FAM120B: variants seen among roughly 807,000 people sequenced by gnomAD.
FAM120B encodes the protein constitutive coactivator of peroxisome proliferator-activated receptor gamma.
FAM120B carries 83 observed loss-of-function variants against 96.3 expected under a neutral mutation model. That is an observed-to-expected ratio of 0.86 (90% CI 0.72 to 1.03). The LOEUF (loss-of-function observed/expected upper bound fraction) is 1.03, where lower values mean the gene tolerates loss of function less well. FAM120B is among the 50% of genes least tolerant of loss of function. The pLI is 0.00. For synonymous variants in FAM120B, 407 were observed against 402.7 expected, an observed-to-expected ratio of 1.01 and a Z score of -0.13; for missense variants, 1,027 against 1,121.2, an observed-to-expected ratio of 0.92 and a Z score of 1.20.
intron 6 of FAM120B, among the ~76,000 whole-genome samples, chr6:170,360,985 T>C (rs1326151153): frequency 6.6e-6 from 1 of 151,902 alleles, no homozygotes. Flanking sequence ...GCAGTCGTAT[T>C]GCATTGGGAG....
chr6:170,341,237 A>G (rs1333603086), intron 4 of FAM120B, among the ~76,000 whole-genome samples: 1 of 152,140 alleles, frequency 6.6e-6, no homozygotes, highest in East Asian at 1.9e-4. Flanking sequence ...TCTGGCCACA[A>G]CCACTTTGCC....
chr6:170,332,906 C>G (rs995558246), intron 4 of FAM120B, among the ~76,000 whole-genome samples: 1 of 151,976 alleles, frequency 6.6e-6, no homozygotes, highest in Non-Finnish European at 1.5e-5. Context: ...GGCCCATGTT[C>G]TTTCTTTTTT....
At chr6:170,320,967 T>A (rs190962972) in intron 2 of FAM120B, among the ~76,000 whole-genome samples, 1 of 152,296 alleles carries the variant, frequency 6.6e-6, no homozygotes, top group Non-Finnish European at 1.5e-5. Flanking sequence ...TAGGAGGTCC[T>A]GATGGCATCA....
rs762301834 is a variant in FAM120B at position 170,317,918 on chromosome 6, G to C, written c.528G>C (p.Leu176=). ...TCCAGCATAACTGTCTTGGGATTCT[G>C]GGGGAAGACACTGATTACCTAATCT... The part of the protein sequence containing the change: ...YGLQHNCLGI[L]GEDTDYLIYD... Residue 176 remains leucine (L), a synonymous_variant, in exon 2 of 11, where the codon CTG becomes CTC. Transcript: ENST00000476287. 1 of 1,614,172 alleles carries C rather than the reference G, an allele frequency of 6.2e-7. No individual in the cohort carries two copies. The highest frequency in any genetic ancestry group is 1.1e-5 in the South Asian group (1 of 91,084).
chr6:170,397,662 C>T (rs538818408), intron 9 of FAM120B, among the ~76,000 whole-genome samples: 18 of 152,238 alleles, frequency 1.2e-4, no homozygotes, highest in African/African-American at 2.2e-4. Context: ...TTAGTAATGT[C>T]GGAAATATTG....
intron 4 of FAM120B, among the ~76,000 whole-genome samples, chr6:170,334,170 C>A (rs543561464): frequency 6.6e-4 from 100 of 151,964 alleles, no homozygotes; most frequent in Non-Finnish European, 1.2e-3. Context: ...TTAAGCATAT[C>A]CTTATTTTAG....
chr6:170,384,020 G>C lies in FAM120B; in HGVS notation c.2284-4267G>C, dbSNP rs1790059669. ...ATGGATCTCAAGGGAATTATACTGA[G>C]TAAAAAAGCCAATCCCAAAAGGTCA... On this transcript the variant is annotated intron_variant, in intron 6 of 10. Transcript: ENST00000476287. 1.3e-5 allele frequency among the ~76,000 whole-genome samples: 2 copies of C among 152,170 alleles called. 1 individual carries two copies. Among genetic ancestry groups the C allele is most frequent in the Admixed American group, 1.3e-4 (2 of 15,284 alleles).
At position 170,351,503 on chromosome 6, in the gene FAM120B, T is replaced by C. The variant is rs1787578739; in HGVS notation, c.2190+3180T>C. Reference sequence around the variant, plus strand: ...CCCAAGACACATAATCATCAGATTCTCCAGGTTGAAATGAAAGAAAAAATG... The same window carrying C: ...CCCAAGACACATAATCATCAGATTCCCCAGGTTGAAATGAAAGAAAAAATG... On this transcript the variant is annotated intron_variant, in intron 5 of 10. Transcript: ENST00000476287. Among the ~76,000 whole-genome samples, 3 of 152,050 alleles carry C rather than the reference T, an allele frequency of 2.0e-5. No individual in the cohort carries two copies. The South Asian group carries it at 6.2e-4, about 32-fold the overall frequency.
Position 170,295,477 on chromosome 6 carries a change from A to G in FAM120B, c.48+24A>G. The G allele has an allele frequency of 1.4e-6, 1 of 697,272 alleles. No homozygotes were observed. Among genetic ancestry groups the G allele is most frequent in the South Asian group, 1.5e-5 (1 of 66,944 alleles). The allele number at this position is 697,272 out of a possible 1,614,324, so 43.2% of individuals were successfully genotyped here. ...AGGTGAGCGCCGCCCGCGTGCACAC[A>G]AGGCGCGCGGCCCCCAGGCAGCCGC... On this transcript the variant is annotated intron_variant, in intron 1 of 10. Coordinates refer to the FAM120B transcript ENST00000537664. The surrounding 1 kb of genome is among the most constrained non-coding windows in gnomAD (Gnocchi z 7.8).
chr6:170,320,243 C>G (rs146843731), intron 2 of FAM120B, among the ~76,000 whole-genome samples: 1 of 152,156 alleles, frequency 6.6e-6, no homozygotes, highest in Admixed American at 6.5e-5. Context: ...TAGTCTGATG[C>G]AAAACTCAGG....
At chr6:170,390,875 G>A (rs1048081172) in intron 7 of FAM120B, 138 bp from the exon 8 acceptor site, 2 of 695,234 alleles carry the variant, frequency 2.9e-6, no homozygotes, top group South Asian at 1.6e-5. Flanking sequence ...ATGTCTGGGA[G>A]GAGGGTGCAG....
intron 4 of FAM120B, among the ~76,000 whole-genome samples, chr6:170,338,844 CTTTT>C (rs61188907): frequency 3.5e-5 from 3 of 85,420 alleles, no homozygotes; most frequent in Admixed American, 1.3e-4. Flanking sequence ...TTGCAACCTG[CTTTT>C]TTTTTTTTTT....
At chr6:170,396,231 G>C (rs538769883) in intron 9 of FAM120B, among the ~76,000 whole-genome samples, 1 of 152,266 alleles carries the variant, frequency 6.6e-6, no homozygotes, top group Admixed American at 6.5e-5. Context: ...CGTCTAAAAT[G>C]TGTAGAGACT....
In FAM120B at chr6:170,348,163, G is replaced by A. The variant is rs771184123; in HGVS notation, c.2030G>A (p.Ser677Asn). ...LQMTIPGGTP[S>N]LKILWLNQEP... ...TTTTCTTAACTAGGGGGAACGCCTA[G>A]TTTGAAAATATTATGGCTGAACCAA... is the stretch of plus-strand genomic sequence containing the variant. The change falls in exon 5 of 11, where the codon AGT becomes AAT. Residue 677 changes from serine to asparagine, a missense_variant. Physicochemically the swap from Ser to Asn is conservative, Grantham distance 46. Around this residue, in one of 3 missense-constraint regions of FAM120B, gnomAD observed 880 missense variants for 980.9 expected, o/e 0.90. Transcript: ENST00000476287. 6.2e-7 allele frequency: 1 copy of A among 1,613,690 alleles called. No individual in the cohort carries two copies. Among genetic ancestry groups the A allele is most frequent in the Non-Finnish European group, 8.5e-7 (1 of 1,179,822 alleles).
chr6:170,401,549 C>T (rs929852033), intron 9 of FAM120B, among the ~76,000 whole-genome samples: 6 of 152,104 alleles, frequency 3.9e-5, no homozygotes, highest in African/African-American at 1.4e-4. Flanking sequence ...GGCCGCTGTC[C>T]CCTGCAGGAG....
intron 1 of FAM120B, among the ~76,000 whole-genome samples, chr6:170,310,287 A>G (rs1350216297): frequency 6.6e-6 from 1 of 152,222 alleles, no homozygotes; most frequent in Non-Finnish European, 1.5e-5. Context: ...TTGCTGGGAA[A>G]AGCCAGAGAG....
chr6:170,300,866 GC>G (rs1473565271), intron 1 of FAM120B, among the ~76,000 whole-genome samples: 2 of 152,212 alleles, frequency 1.3e-5, no homozygotes, highest in East Asian at 3.9e-4. Context: ...GCCTTGGGTA[GC>G]TCTACCTCTG....
intron 4 of FAM120B, among the ~76,000 whole-genome samples, chr6:170,338,224 C>T (rs1276969201): frequency 4.6e-5 from 7 of 152,086 alleles, no homozygotes; most frequent in Non-Finnish European, 8.8e-5. Flanking sequence ...GATTCTGGTA[C>T]GTTGTCTCTT....
At chr6:170,365,616 C>T (rs1788732475) in intron 6 of FAM120B, among the ~76,000 whole-genome samples, 1 of 152,282 alleles carries the variant, frequency 6.6e-6, no homozygotes, top group African/African-American at 2.4e-5. Flanking sequence ...GATGTGTCCT[C>T]CTGAGGGAAT....
Sources: gnomAD v4.1 joint callset for allele counts (sites outside exome capture counted in the v4.1 genomes callset) on GRCh38, gnomAD v4.1.1 for gene constraint, gnomAD v4.1.1 regional missense constraint, Gnocchi (gnomAD v3.1) non-coding constraint, MANE v1.5 for transcripts, NCBI Gene and HGNC (gene_info 2026-07-23, HGNC 2026-07-21) for gene names.